KCNIP4: variants seen among roughly 807,000 people sequenced by gnomAD.
KCNIP4 encodes the protein Kv channel-interacting protein 4.
A neutral mutation model predicts 34.0 loss-of-function variants in KCNIP4; 12 were observed. The observed-to-expected ratio is 0.35, with a 90% CI of 0.23 to 0.57. KCNIP4 has a LOEUF of 0.57. Ranked by LOEUF, KCNIP4 falls within the 20% of genes least tolerant of loss-of-function variation. The pLI is 0.83. For synonymous variants in KCNIP4, 124 were observed against 102.2 expected (o/e 1.21, Z -1.29); for missense variants, 238 against 311.7 (o/e 0.76, Z 1.78).
chr4:20,778,147 T>G (rs1384072039), intron 3 of KCNIP4, among the ~76,000 whole-genome samples: 1 of 152,196 alleles, frequency 6.6e-6, no homozygotes, highest in Non-Finnish European at 1.5e-5. Flanking sequence ...GGAGAAAGTG[T>G]TAGTAGCATA....
chr4:21,331,788 T>C (rs1364836), intron 1 of KCNIP4, among the ~76,000 whole-genome samples: 110,915 of 151,982 alleles, frequency 0.73, 41,184 homozygotes, highest in African/African-American at 0.88. Context: ...TGTCTTCTAA[T>C]CTTTAGACGT....
At chr4:21,216,361 G>T (rs146102220) in intron 1 of KCNIP4, among the ~76,000 whole-genome samples, 1 of 152,142 alleles carries the variant, frequency 6.6e-6, no homozygotes, top group Non-Finnish European at 1.5e-5. Context: ...TTTTTAAAAC[G>T]TAGTTTAATT....
chr4:21,853,466 T>A (rs1724542057), intron 1 of KCNIP4, among the ~76,000 whole-genome samples: 1 of 152,168 alleles, frequency 6.6e-6, no homozygotes, highest in South Asian at 2.1e-4. Context: ...AGAAACTGAC[T>A]ATATTATTTT....
intron 1 of KCNIP4, among the ~76,000 whole-genome samples, chr4:20,963,899 A>G (rs1366902513): frequency 6.6e-6 from 1 of 151,724 alleles, no homozygotes; most frequent in Non-Finnish European, 1.5e-5. Flanking sequence ...TCAAGGTAAA[A>G]TATATATATA....
chr4:21,596,918 G>A (rs1357486935), intron 1 of KCNIP4, among the ~76,000 whole-genome samples: 1 of 152,100 alleles, frequency 6.6e-6, no homozygotes. Context: ...CCTCCGAGGA[G>A]ATGGAGAGCC....
chr4:21,631,498 A>C (rs1489488667), intron 1 of KCNIP4, among the ~76,000 whole-genome samples: 3 of 152,220 alleles, frequency 2.0e-5, no homozygotes, highest in Admixed American at 6.5e-5. Context: ...CTTAGACATT[A>C]TACCTATATT....
chr4:21,468,855 T>C (rs1033130169), intron 1 of KCNIP4, among the ~76,000 whole-genome samples: 14 of 152,184 alleles, frequency 9.2e-5, no homozygotes, highest in Non-Finnish European at 2.1e-4. Flanking sequence ...ACAGCTTTCT[T>C]ATTCAATTTG....
chr4:21,755,983 A>G lies in KCNIP4; in HGVS notation c.61+192588T>C, dbSNP rs192114256. Among the ~76,000 whole-genome samples the G allele has an allele frequency of 2.4e-3, 360 of 152,358 alleles. 1 individual carries two copies. The highest frequency in any genetic ancestry group is 8.4e-3 in the African/African-American group (350 of 41,600). ...ATGGCTCTATCACCTCTGAAACAACATAAGTCACGCAACACATTTTTAATT... is the reference window on the plus strand; with the variant it reads ...ATGGCTCTATCACCTCTGAAACAACGTAAGTCACGCAACACATTTTTAATT... On this transcript the variant is annotated intron_variant, in intron 1 of 8. Coordinates refer to ENST00000382152, the MANE Select transcript of KCNIP4 (RefSeq NM_025221.6).
chr4:21,603,772 A>C (rs1004428417), intron 1 of KCNIP4, among the ~76,000 whole-genome samples: 1 of 152,192 alleles, frequency 6.6e-6, no homozygotes, highest in Non-Finnish European at 1.5e-5. Context: ...CCCAGATGAA[A>C]AATCACAAAC....
chr4:21,209,430 C>A (rs887954428), intron 1 of KCNIP4, among the ~76,000 whole-genome samples: 1 of 152,120 alleles, frequency 6.6e-6, no homozygotes, highest in Admixed American at 6.5e-5. Flanking sequence ...CCAGTCTTTA[C>A]AATCCTTTGT....
At chr4:20,934,228 A>G (rs902246429) in intron 1 of KCNIP4, among the ~76,000 whole-genome samples, 3 of 152,160 alleles carry the variant, frequency 2.0e-5, no homozygotes, top group African/African-American at 7.2e-5. Flanking sequence ...CCTCATAAAC[A>G]CACGTACCCA....
chr4:20,775,411 C>T (rs916051506), intron 3 of KCNIP4, among the ~76,000 whole-genome samples: 10 of 151,926 alleles, frequency 6.6e-5, no homozygotes, highest in South Asian at 2.1e-4. Context: ...TTAATAATAA[C>T]GAGTCCAGGC....
intron 1 of KCNIP4, among the ~76,000 whole-genome samples, chr4:21,942,938 T>C (rs1730286921): frequency 1.4e-5 from 2 of 144,590 alleles, no homozygotes; most frequent in Admixed American, 1.3e-4. Flanking sequence ...TTTGTATTTC[T>C]AGTAGAGAAC....
At chr4:20,800,003 T>G (rs575416560) in intron 3 of KCNIP4, among the ~76,000 whole-genome samples, 40 of 152,320 alleles carry the variant, frequency 2.6e-4, no homozygotes, top group African/African-American at 9.4e-4. Flanking sequence ...AATGTGAACC[T>G]GTGTCTCAAG....
At position 21,861,656 on chromosome 4, in the gene KCNIP4, CAA is replaced by C. The variant is rs59277001; in HGVS notation, c.61+86913_61+86914del. On this transcript the variant is annotated intron_variant, in intron 1 of 8. Transcript: ENST00000382152. ...TGGGCGACAGAGTGAGACTCCGTCT[CAA>C]AAAAAAAAAAAAAAAAAATCCCAGC... Among the ~76,000 whole-genome samples the C allele has an allele frequency of 1.6e-3, 165 of 101,282 alleles. 1 individual carries two copies. The highest frequency in any genetic ancestry group is 0.011 in the Middle Eastern group (2 of 188). 66.4% of individuals were successfully genotyped at this position (101,282 alleles called of 152,430 possible).
At chr4:21,775,401 A>T (rs528008315) in intron 1 of KCNIP4, among the ~76,000 whole-genome samples, 1 of 152,278 alleles carries the variant, frequency 6.6e-6, no homozygotes, top group Non-Finnish European at 1.5e-5. Context: ...GTTCCTGTAT[A>T]GGGTATCTGA....
intron 1 of KCNIP4, among the ~76,000 whole-genome samples, chr4:21,082,865 T>TTCCATCTA: frequency 1.4e-5 from 2 of 147,684 alleles, no homozygotes; most frequent in South Asian, 4.3e-4. Context: ...TGCCAGGTTA[T>TTCCATCTA]TCTATCTATC....
intron 1 of KCNIP4, among the ~76,000 whole-genome samples, chr4:20,999,959 C>T (rs576097799): frequency 3.0e-4 from 46 of 152,190 alleles, no homozygotes; most frequent in East Asian, 1.9e-3. Flanking sequence ...TTCATCTCCA[C>T]GTTTGGGGCA....
At chr4:21,527,951 A>G (rs1275350097) in intron 1 of KCNIP4, among the ~76,000 whole-genome samples, 1 of 152,134 alleles carries the variant, frequency 6.6e-6, no homozygotes, top group African/African-American at 2.4e-5. Flanking sequence ...AAGTCCCATT[A>G]ATAGAAGCTG....
Sources: gnomAD v4.1 joint callset for allele counts (sites outside exome capture counted in the v4.1 genomes callset) on GRCh38, gnomAD v4.1.1 for gene constraint, MANE v1.5 for transcripts, NCBI Gene and HGNC (gene_info 2026-07-23, HGNC 2026-07-21) for gene names.